The following FNIP2 variants were observed in gnomAD, a reference collection of about 807,000 sequenced individuals.
FNIP2 encodes the protein folliculin interacting protein 2.
FNIP2 carries 32 observed loss-of-function variants against 108.7 expected under a neutral mutation model. The ratio of observed to expected loss-of-function variants is 0.29; its 90% CI spans 0.22 to 0.40. The LOEUF (loss-of-function observed/expected upper bound fraction) is 0.40, where lower values mean the gene tolerates loss of function less well. Ranked by LOEUF, FNIP2 falls within the 10% of genes least tolerant of loss-of-function variation. The probability of loss-of-function intolerance (pLI) is 1.00; values close to 1 mark genes in which losing one functional copy is unlikely to be tolerated. For missense variants in FNIP2, 1,202 were observed against 1,381.6 expected (o/e 0.87, Z 2.06); for synonymous variants, 480 against 496.7 (o/e 0.97, Z 0.45).
intron 16 of FNIP2, among the ~76,000 whole-genome samples, chr4:158,904,131 T>TTAAAG (rs1729614213): frequency 1.3e-5 from 2 of 152,188 alleles, no homozygotes; most frequent in Non-Finnish European, 2.9e-5. Context: ...GGAGAATACC[T>TTAAAG]TAAAGTATGA....
Position 158,882,858 on chromosome 4 carries a change from G to GGA in FNIP2, c.2950-8588_2950-8587insGA, listed in dbSNP as rs529398650. On this transcript the variant is annotated intron_variant, in intron 14 of 16. Transcript: ENST00000264433. The stretch of plus-strand genomic sequence containing the variant: ...TCAAGTACCCAGGGACACAAATACT[G>GGA]CGGAAGGCCGCAGGGTCTTCTGCCT... Among the ~76,000 whole-genome samples the GGA allele has an allele frequency of 2.8e-3, 423 of 152,170 alleles. 3 individuals carry two copies. Among genetic ancestry groups the GGA allele is most frequent in the African/African-American group, 9.7e-3 (402 of 41,520 alleles).
At chr4:158,826,089 C>T (rs1778140127) in intron 2 of FNIP2, 47 bp downstream of exon 2, 1 of 1,581,654 alleles carries the variant, frequency 6.3e-7, no homozygotes, top group African/African-American at 1.3e-5. Context: ...TGCTTTTAAC[C>T]ACCCTTCTGA....
chr4:158,835,467 G>T lies in FNIP2; in HGVS notation c.718G>T (p.Ala240Ser). 6.2e-7 allele frequency: 1 copy of T among 1,611,910 alleles called. No homozygotes were observed. The highest frequency in any genetic ancestry group is 1.7e-4 in the Middle Eastern group (1 of 6,058). ...GQNEDRDSGI[A>S]RSASLSSLLI... ...GAATGAAGACAGGGACAGTGGCATT[G>T]CTCGATCAGGTACTTGTACTCTGTT... is the stretch of plus-strand genomic sequence containing the variant. Residue 240 changes from alanine (A) to serine (S), a missense_variant, in exon 7 of 17, where the codon GCT becomes TCT. Physicochemically the swap from Ala to Ser is moderately conservative, Grantham distance 99. Around this residue, in one of 5 missense-constraint regions of FNIP2, gnomAD observed 878 missense variants for 990.3 expected, o/e 0.89. Coordinates refer to ENST00000264433, the MANE Select transcript of FNIP2 (RefSeq NM_020840.3).
intron 7 of FNIP2, among the ~76,000 whole-genome samples, chr4:158,844,462 T>C (rs2126632491): frequency 1.3e-5 from 2 of 152,312 alleles, no homozygotes; most frequent in Middle Eastern, 3.4e-3. Flanking sequence ...TTCATAAAGG[T>C]GATGTCGACC....
intron 16 of FNIP2, among the ~76,000 whole-genome samples, chr4:158,896,940 C>T (rs1224760916): frequency 2.6e-5 from 4 of 151,984 alleles, no homozygotes; most frequent in Admixed American, 6.6e-5. Flanking sequence ...TGGTTTGCTG[C>T]ACCCATCAAC....
intron 7 of FNIP2, among the ~76,000 whole-genome samples, chr4:158,843,099 A>G (rs1779213871): frequency 6.6e-6 from 1 of 152,222 alleles, no homozygotes; most frequent in South Asian, 2.1e-4. Context: ...AAGTAGTGTC[A>G]TATTACAGTA....
intron 1 of FNIP2, among the ~76,000 whole-genome samples, chr4:158,785,683 T>C (rs1406744048): frequency 6.7e-6 from 1 of 149,886 alleles, no homozygotes; most frequent in Non-Finnish European, 1.5e-5. Flanking sequence ...AGTTACAGGG[T>C]TCTTTCTTTT....
chr4:158,900,930 T>A (rs1005417042), intron 16 of FNIP2, among the ~76,000 whole-genome samples: 4 of 152,310 alleles, frequency 2.6e-5, no homozygotes, highest in Admixed American at 2.6e-4. Flanking sequence ...TTCATAGTGT[T>A]GATGGTCTTT....
At chr4:158,877,609 C>A (rs1781356469) in intron 14 of FNIP2, among the ~76,000 whole-genome samples, 1 of 152,210 alleles carries the variant, frequency 6.6e-6, no homozygotes, top group South Asian at 2.1e-4. Flanking sequence ...CACTAGAAAT[C>A]TCCAGTGGTG....
chr4:158,777,899 A>G (rs1041169478), intron 1 of FNIP2, among the ~76,000 whole-genome samples: 2 of 152,154 alleles, frequency 1.3e-5, no homozygotes, highest in Admixed American at 1.3e-4. Context: ...TCACACCCCA[A>G]TCCCCCTTCC....
intron 1 of FNIP2, among the ~76,000 whole-genome samples, chr4:158,790,572 T>C (rs1776378620): frequency 6.6e-6 from 1 of 151,818 alleles, no homozygotes; most frequent in Non-Finnish European, 1.5e-5. Context: ...GTAATGAGAT[T>C]CCATCGCTCC....
At position 158,769,109 on chromosome 4, in the gene FNIP2, G is replaced by GGCCGCGCC; in HGVS notation, c.-97_-90dup. ...GCCCCGCGCTCCCGCAAGGCTGGGC[G>GGCCGCGCC]GCCGCGCCGCCGCGATGGCCCCGCC... On this transcript the variant is annotated 5_prime_UTR_variant, in exon 1 of 17. Coordinates refer to ENST00000264433, the MANE Select transcript of FNIP2 (RefSeq NM_020840.3). The GGCCGCGCC allele has an allele frequency of 3.2e-6, 1 of 308,992 alleles. No homozygotes were observed. Among genetic ancestry groups the GGCCGCGCC allele is most frequent in the Non-Finnish European group, 4.7e-6 (1 of 214,304 alleles). The allele number at this position is 308,992 out of a possible 1,614,324, so 19.1% of individuals were successfully genotyped here.
chr4:158,855,628 AG>A (rs1470638299), intron 8 of FNIP2, among the ~76,000 whole-genome samples: 1 of 152,012 alleles, frequency 6.6e-6, no homozygotes. Flanking sequence ...TTGTATTTTT[AG>A]TAGAGACGGA....
chr4:158,815,418 T>C (rs1777508005), intron 1 of FNIP2, among the ~76,000 whole-genome samples: 1 of 149,000 alleles, frequency 6.7e-6, no homozygotes, highest in East Asian at 2.0e-4. Flanking sequence ...AGTCTTGCTC[T>C]CTCGCCCAGG....
chr4:158,803,794 T>C (rs982193305), intron 1 of FNIP2, among the ~76,000 whole-genome samples: 1 of 152,212 alleles, frequency 6.6e-6, no homozygotes, highest in Admixed American at 6.5e-5. Context: ...ATTAAAAGCC[T>C]CTATGGGAGC....
intron 1 of FNIP2, among the ~76,000 whole-genome samples, chr4:158,786,089 T>G (rs1486773478): frequency 1.3e-5 from 2 of 152,194 alleles, no homozygotes; most frequent in Non-Finnish European, 2.9e-5. Flanking sequence ...TACTGTTTAT[T>G]CTCTTTACTT....
intron 8 of FNIP2, among the ~76,000 whole-genome samples, chr4:158,851,925 G>T (rs989545620): frequency 1.3e-5 from 2 of 152,154 alleles, no homozygotes; most frequent in Admixed American, 1.3e-4. Flanking sequence ...TGGCATCTAG[G>T]TATTTTCTGT....
At chr4:158,789,625 G>A (rs1261931652) in intron 1 of FNIP2, among the ~76,000 whole-genome samples, 1 of 152,206 alleles carries the variant, frequency 6.6e-6, no homozygotes, top group African/African-American at 2.4e-5. Flanking sequence ...TAGAGTACAA[G>A]AATGAATAAG....
At chr4:158,855,637 G>A (rs956556649) in intron 8 of FNIP2, among the ~76,000 whole-genome samples, 7 of 152,032 alleles carry the variant, frequency 4.6e-5, no homozygotes, top group African/African-American at 1.7e-4. Context: ...TAGTAGAGAC[G>A]GAGTTTCACC....
Sources: allele counts gnomAD v4.1 joint callset (sites outside exome capture counted in the v4.1 genomes callset), GRCh38; gene constraint gnomAD v4.1.1; regional missense constraint gnomAD v4.1.1; transcripts MANE v1.5; gene names NCBI Gene and HGNC (gene_info 2026-07-23, HGNC 2026-07-21).